The following SPIDR variants were observed in gnomAD, a reference collection of about 807,000 sequenced individuals.
SPIDR encodes DNA repair-scaffolding protein.
A neutral mutation model predicts 104.6 loss-of-function variants in SPIDR; 93 were observed. That is an observed-to-expected ratio of 0.89 (90% CI 0.75 to 1.06). The LOEUF (loss-of-function observed/expected upper bound fraction) is 1.06, where lower values mean the gene tolerates loss of function less well. SPIDR is among the 50% of genes least tolerant of loss of function. The probability of loss-of-function intolerance (pLI) is 0.00; values close to 1 mark genes in which losing one functional copy is unlikely to be tolerated. For synonymous variants in SPIDR, 431 were observed against 416.9 expected (o/e 1.03, Z -0.41); for missense variants, 1,154 against 1,111.2 (o/e 1.04, Z -0.55).
intron 8 of SPIDR, among the ~76,000 whole-genome samples, chr8:47,449,996 T>C (rs937090303): frequency 2.0e-5 from 3 of 152,172 alleles, no homozygotes; most frequent in African/African-American, 7.2e-5. Flanking sequence ...AAACCCCATC[T>C]CTACAAAAAA....
At chr8:47,538,954 A>G (rs1214959163) in intron 8 of SPIDR, among the ~76,000 whole-genome samples, 4 of 138,792 alleles carry the variant, frequency 2.9e-5, no homozygotes, top group Non-Finnish European at 6.0e-5. Flanking sequence ...TCCGCTTCCC[A>G]GGTTCAAGTG....
intron 8 of SPIDR, among the ~76,000 whole-genome samples, chr8:47,526,006 G>A (rs2084927415): frequency 6.6e-6 from 1 of 152,202 alleles, no homozygotes; most frequent in Non-Finnish European, 1.5e-5. Flanking sequence ...TTAGCATAGT[G>A]TGGATCAGAA....
chr8:47,479,461 C>T (rs1334060726), intron 8 of SPIDR, among the ~76,000 whole-genome samples: 1 of 152,206 alleles, frequency 6.6e-6, no homozygotes, highest in African/African-American at 2.4e-5. Context: ...TTCCCCTGCT[C>T]TGACTCCCAT....
chr8:47,429,813 T>C (rs530919763), intron 7 of SPIDR, among the ~76,000 whole-genome samples: 1 of 151,430 alleles, frequency 6.6e-6, no homozygotes, highest in Non-Finnish European at 1.5e-5. Flanking sequence ...ATATATATTT[T>C]TTTTATTTTA....
chr8:47,599,248 A>T (rs540738392), intron 10 of SPIDR, 52 bp downstream of exon 10: 6 of 1,595,590 alleles, frequency 3.8e-6, no homozygotes, highest in Non-Finnish European at 4.3e-6. Flanking sequence ...ACTTAGACAG[A>T]GTGCTCTAGA....
At position 47,277,830 on chromosome 8, in the gene SPIDR, A is replaced by G. The variant is rs1554555399; in HGVS notation, c.34-2032A>G. 2.7e-3 allele frequency among the ~76,000 whole-genome samples: 402 copies of G among 151,692 alleles called. 3 individuals are homozygous for G. The highest frequency in any genetic ancestry group is 5.3e-3 in the Admixed American group (81 of 15,234). On this transcript the variant is annotated intron_variant, in intron 1 of 19. Transcript: ENST00000297423. ...GCTGGGACTACAGGCGCACACCACC[A>G]TTCCCGGCTAATTTTTTGCATTTTT...
intron 19 of SPIDR, among the ~76,000 whole-genome samples, chr8:47,733,890 T>A (rs2085705108): frequency 6.6e-6 from 1 of 152,078 alleles, no homozygotes; most frequent in African/African-American, 2.4e-5. Flanking sequence ...ACCATCCTGT[T>A]GACTTTATTC....
chr8:47,733,276 A>T (rs919515310), intron 19 of SPIDR, among the ~76,000 whole-genome samples: 1 of 152,140 alleles, frequency 6.6e-6, no homozygotes, highest in African/African-American at 2.4e-5. Context: ...AATCCCAGCT[A>T]CTTGGAAGGC....
chr8:47,400,566 G>C (rs923018651), intron 6 of SPIDR, among the ~76,000 whole-genome samples: 5 of 152,104 alleles, frequency 3.3e-5, no homozygotes, highest in Admixed American at 3.3e-4. Flanking sequence ...AGGTAGCAAG[G>C]ATTGAGAGAG....
At chr8:47,445,284 A>G (rs1018448918) in intron 8 of SPIDR, among the ~76,000 whole-genome samples, 3 of 152,178 alleles carry the variant, frequency 2.0e-5, no homozygotes, top group African/African-American at 7.2e-5. Flanking sequence ...CAGAGTTTTC[A>G]TAATTATTAT....
At chr8:47,344,842 A>G (rs1415552303) in intron 5 of SPIDR, among the ~76,000 whole-genome samples, 1 of 152,072 alleles carries the variant, frequency 6.6e-6, no homozygotes, top group Non-Finnish European at 1.5e-5. Flanking sequence ...AAATTTGTTT[A>G]AGCTCTTTGT....
At chr8:47,550,934 A>G (rs959964900) in intron 8 of SPIDR, among the ~76,000 whole-genome samples, 12 of 152,190 alleles carry the variant, frequency 7.9e-5, no homozygotes, top group African/African-American at 2.9e-4. Context: ...TTATTTTGAG[A>G]TATGTTCCAT....
chr8:47,333,110 G>C (rs1587149716), intron 5 of SPIDR, among the ~76,000 whole-genome samples: 1 of 152,222 alleles, frequency 6.6e-6, no homozygotes, highest in East Asian at 1.9e-4. Context: ...AGGATCATCA[G>C]TATCACTGTC....
intron 8 of SPIDR, among the ~76,000 whole-genome samples, chr8:47,502,070 G>A (rs549773240): frequency 2.2e-4 from 33 of 149,194 alleles, no homozygotes; most frequent in Non-Finnish European, 4.1e-4. Context: ...GGATTCTGTC[G>A]ATGTGCATCA....
At chr8:47,627,812 T>C (rs1301485517) in intron 10 of SPIDR, among the ~76,000 whole-genome samples, 2 of 152,232 alleles carry the variant, frequency 1.3e-5, no homozygotes, top group Non-Finnish European at 2.9e-5. Context: ...GGGCTGTCTT[T>C]GTGCAGCCTT....
At chr8:47,618,317 G>A (rs916551294) in intron 10 of SPIDR, among the ~76,000 whole-genome samples, 1 of 151,968 alleles carries the variant, frequency 6.6e-6, no homozygotes, top group African/African-American at 2.4e-5. Context: ...CAGTCTTGAA[G>A]GAAAACCAAA....
chr8:47,504,593 G>T (rs1362570989), intron 8 of SPIDR, among the ~76,000 whole-genome samples: 1 of 152,098 alleles, frequency 6.6e-6, no homozygotes, highest in South Asian at 2.1e-4. Flanking sequence ...TCCTCCTTTA[G>T]CTCGGAGTAG....
intron 5 of SPIDR, among the ~76,000 whole-genome samples, chr8:47,352,573 G>A (rs1554623162): frequency 6.6e-6 from 1 of 152,152 alleles, no homozygotes; most frequent in African/African-American, 2.4e-5. Context: ...AATGTTTGTG[G>A]TTTGGATCTT....
chr8:47,727,994 G>A (rs957592363), intron 17 of SPIDR, among the ~76,000 whole-genome samples: 3 of 152,118 alleles, frequency 2.0e-5, no homozygotes, highest in African/African-American at 7.2e-5. Context: ...GCGCGTGCCT[G>A]TAATCCCAGC....
Sources: gnomAD v4.1 joint callset for allele counts (sites outside exome capture counted in the v4.1 genomes callset) on GRCh38, gnomAD v4.1.1 for gene constraint, MANE v1.5 for transcripts, NCBI Gene and HGNC (gene_info 2026-07-23, HGNC 2026-07-21) for gene names.